Variants in SPANXN2 observed in about 807,000 individuals in gnomAD.
SPANXN2 encodes the protein SPANX family member N2, also known as sperm protein associated with the nucleus on the X chromosome N2.
In SPANXN2, 1 loss-of-function variant was observed where a neutral mutation model predicts 2.0. That is an observed-to-expected ratio of 0.50 (90% CI 0.18 to 2.36). The LOEUF is 2.36. SPANXN2 is among the 30% of genes most tolerant of loss of function. The pLI, the probability that SPANXN2 is intolerant of heterozygous loss-of-function variation, is 0.26. For synonymous variants in SPANXN2, 43 were observed against 49.8 expected, an observed-to-expected ratio of 0.86 and a Z score of 0.58; for missense variants, 88 against 116.7, an observed-to-expected ratio of 0.75 and a Z score of 1.13.
At chrX:143,713,892 ACTCTCTCTCT>A (rs58045166) in intron 1 of SPANXN2, among the ~76,000 whole-genome samples, 34,499 of 87,398 alleles carry the variant, frequency 0.39, 5,059 homozygotes, top group Non-Finnish European at 0.46. Flanking sequence ...TTCATGCCTC[ACTCTCTCTCT>A]CTCTCTCTCT....
intron 1 of SPANXN2, among the ~76,000 whole-genome samples, chrX:143,714,639 T>C (rs1287749875): frequency 8.9e-5 from 10 of 111,911 alleles, no homozygotes; most frequent in Non-Finnish European, 7.5e-5. Flanking sequence ...CTCTCCTGCC[T>C]TTCAAAAGTC....
intron 1 of SPANXN2, among the ~76,000 whole-genome samples, chrX:143,720,214 C>T (rs1169693008): frequency 1.8e-5 from 2 of 109,987 alleles, no homozygotes; most frequent in Admixed American, 9.6e-5. Flanking sequence ...CACGGGGGTT[C>T]GGGCCATGAG....
At chrX:143,719,865 T>C (rs1932332769) in intron 1 of SPANXN2, among the ~76,000 whole-genome samples, 1 of 110,042 alleles carries the variant, frequency 9.1e-6, no homozygotes, top group East Asian at 2.9e-4. Context: ...CTCCTCCTGA[T>C]AGTACATTTG....
At chrX:143,716,726 G>A (rs1282049292) in intron 1 of SPANXN2, among the ~76,000 whole-genome samples, 1 of 111,873 alleles carries the variant, frequency 8.9e-6, no homozygotes, top group South Asian at 3.7e-4. Flanking sequence ...TGGCCACATT[G>A]CTGGCCTTAG....
intron 1 of SPANXN2, among the ~76,000 whole-genome samples, chrX:143,714,132 C>T (rs375733960): frequency 1.8e-5 from 2 of 109,915 alleles, no homozygotes; most frequent in African/African-American, 3.3e-5. Flanking sequence ...ATCCCCCTTC[C>T]TTCTCCACCT....
chrX:143,715,732 C>T (rs1323650106), intron 1 of SPANXN2, among the ~76,000 whole-genome samples: 2 of 106,595 alleles, frequency 1.9e-5, no homozygotes, highest in Non-Finnish European at 3.9e-5. Flanking sequence ...TTAACTCTCC[C>T]CACAACACCC....
exon 2 of SPANXN2, chrX:143,712,337 C>G (rs782507654): frequency 4.1e-6 from 5 of 1,211,230 alleles, no homozygotes; most frequent in Non-Finnish European, 5.6e-6. Context: ...TCCTCTTGGA[C>G]TGGATTGATG....
exon 2 of SPANXN2, chrX:143,712,397 T>C: frequency 8.2e-7 from 1 of 1,212,599 alleles, no homozygotes; most frequent in Non-Finnish European, 1.1e-6. Flanking sequence ...TTTATTTTCG[T>C]ATGCTTCCTG....
intron 1 of SPANXN2, among the ~76,000 whole-genome samples, chrX:143,715,100 T>C (rs1410196869): frequency 4.5e-5 from 5 of 111,538 alleles, no homozygotes; most frequent in African/African-American, 1.3e-4. Flanking sequence ...CTTCACCACC[T>C]GTACCTGAAG....
chrX:143,716,370 C>T lies in SPANXN2; in HGVS notation c.79-3871G>A, dbSNP rs781821716. 1.3e-4 allele frequency among the ~76,000 whole-genome samples: 14 copies of T among 110,900 alleles called. No homozygotes were observed. In the East Asian group the frequency reaches 3.2e-3, roughly 25 times the overall value. ...CCCCACATAAAAAAAAAGGACCTCCCCTCCTTCTTGGGCCTTGTGGGATAC... is the reference window on the plus strand; with the variant it reads ...CCCCACATAAAAAAAAAGGACCTCCTCTCCTTCTTGGGCCTTGTGGGATAC... On this transcript the variant is annotated intron_variant, in intron 1 of 1. Transcript: ENST00000598475.
exon 2 of SPANXN2, chrX:143,712,419 T>A: frequency 8.2e-7 from 1 of 1,212,355 alleles, no homozygotes; most frequent in Non-Finnish European, 1.1e-6. Flanking sequence ...AGTAATACAC[T>A]ATTATTGTTA....
chrX:143,719,864 A>G (rs1355389147), intron 1 of SPANXN2, among the ~76,000 whole-genome samples: 2 of 109,660 alleles, frequency 1.8e-5, no homozygotes, highest in African/African-American at 6.6e-5. Context: ...CCTCCTCCTG[A>G]TAGTACATTT....
At chrX:143,712,017 T>C in exon 2 of SPANXN2, 1 of 1,212,378 alleles carries the variant, frequency 8.2e-7, no homozygotes, top group African/African-American at 1.7e-5. Flanking sequence ...TTGTCCAATT[T>C]GGTTTCTCCA....
chrX:143,712,427 T>C (rs1441532614), exon 2 of SPANXN2: 1 of 1,212,381 alleles, frequency 8.2e-7, no homozygotes, highest in Non-Finnish European at 1.1e-6. Flanking sequence ...ACTATTATTG[T>C]TAGATATTCT....
chrX:143,714,183 A>G (rs1168603241), intron 1 of SPANXN2, among the ~76,000 whole-genome samples: 2 of 109,845 alleles, frequency 1.8e-5, no homozygotes, highest in Admixed American at 1.9e-4. Flanking sequence ...GCTAGGAACC[A>G]GGCACATGCC....
At chrX:143,717,102 G>A (rs1932281092) in intron 1 of SPANXN2, among the ~76,000 whole-genome samples, 1 of 112,125 alleles carries the variant, frequency 8.9e-6, no homozygotes. Context: ...CAGTGCTGAA[G>A]ATAAACTCCT....
chrX:143,712,810 C>T (rs1932190858), intron 1 of SPANXN2, among the ~76,000 whole-genome samples: 2 of 111,753 alleles, frequency 1.8e-5, no homozygotes, highest in South Asian at 7.6e-4. Context: ...GACCACAGGG[C>T]GGACAAAGGC....
intron 1 of SPANXN2, among the ~76,000 whole-genome samples, chrX:143,717,883 A>G (rs145162522): frequency 1.1e-3 from 123 of 111,894 alleles, no homozygotes; most frequent in African/African-American, 3.2e-3. Flanking sequence ...AATAGTAGAT[A>G]CATTCTCTGG....
intron 1 of SPANXN2, among the ~76,000 whole-genome samples, chrX:143,717,126 C>G (rs372891820): frequency 8.9e-6 from 1 of 112,264 alleles, no homozygotes; most frequent in East Asian, 2.8e-4. Context: ...ATCGAATGCT[C>G]TCACACCCCA....
Sources: gnomAD v4.1 joint callset for allele counts (sites outside exome capture counted in the v4.1 genomes callset) on GRCh38, gnomAD v4.1.1 for gene constraint, MANE v1.5 for transcripts, NCBI Gene and HGNC (gene_info 2026-07-23, HGNC 2026-07-21) for gene names.